Variants in CFAP251 observed in about 807,000 individuals in gnomAD.
CFAP251 encodes the protein cilia- and flagella-associated protein 251.
Under a neutral mutation model 126.7 loss-of-function variants are expected in CFAP251, and 93 were observed. The ratio of observed to expected loss-of-function variants is 0.73; its 90% CI spans 0.62 to 0.87. The LOEUF is 0.87. Ranked by LOEUF, CFAP251 falls within the 40% of genes least tolerant of loss-of-function variation. CFAP251 has a pLI of 0.00. For missense variants in CFAP251, 1,287 were observed against 1,389.2 expected, an observed-to-expected ratio of 0.93 and a Z score of 1.17; for synonymous variants, 503 against 506.9, an observed-to-expected ratio of 0.99 and a Z score of 0.10.
intron 19 of CFAP251, among the ~76,000 whole-genome samples, chr12:121,980,356 A>C (rs1565920960): frequency 6.6e-6 from 1 of 151,504 alleles, no homozygotes; most frequent in Non-Finnish European, 1.5e-5. Context: ...CGTGGCTTCC[A>C]CGGAATTCTG....
At chr12:121,967,298 TG>T (rs1336083080) in intron 16 of CFAP251, among the ~76,000 whole-genome samples, 1 of 152,270 alleles carries the variant, frequency 6.6e-6, no homozygotes, top group East Asian at 1.9e-4. Flanking sequence ...TGAAGATACA[TG>T]GGCCACCAAA....
chr12:121,938,851 A>G (rs6486784), intron 5 of CFAP251, among the ~76,000 whole-genome samples: 31,600 of 151,170 alleles, frequency 0.21, 7,067 homozygotes, highest in African/African-American at 0.56. Context: ...TTAGTCGGGC[A>G]TAATGGTGCA....
At chr12:121,994,571 AAAG>A (rs1203905313) in intron 19 of CFAP251, among the ~76,000 whole-genome samples, 5 of 37,294 alleles carry the variant, frequency 1.3e-4, no homozygotes, top group African/African-American at 5.7e-4. Flanking sequence ...GTCTGTGTAG[AAAG>A]AAGTAGACAT....
rs535084882 is a variant in CFAP251, at chr12:122,003,864, C to T, written c.*100C>T. 1 of 819,084 alleles carries T rather than the reference C, an allele frequency of 1.2e-6. No homozygotes were observed. Among genetic ancestry groups the T allele is most frequent in the Non-Finnish European group, 1.8e-6 (1 of 546,522 alleles). The allele number at this position is 819,084 out of a possible 1,614,324, so 50.7% of individuals were successfully genotyped here. ...ACTGCTTTTTATGCATTTCCCTCCC[C>T]CCTCTCATCTTTAGAACATTTAGAC... On this transcript the variant is annotated 3_prime_UTR_variant, in exon 22 of 22. Coordinates refer to ENST00000288912, the MANE Select transcript of CFAP251 (RefSeq NM_144668.6).
chr12:121,977,903 G>A (rs1294852948), intron 19 of CFAP251, among the ~76,000 whole-genome samples: 1 of 151,108 alleles, frequency 6.6e-6, no homozygotes, highest in East Asian at 1.9e-4. Flanking sequence ...AGCTTGTAGT[G>A]AGCCGAGATT....
At position 121,957,182 on chromosome 12, in the gene CFAP251, C is replaced by T. The variant is rs1229774592; in HGVS notation, c.1644C>T (p.Ser548=). Residue 548 remains serine (S), a synonymous_variant, in exon 11 of 22, where the codon TCC becomes TCT. Transcript: ENST00000288912. ...HLKLGAIRTL[S]FSKTPATPPT... ...AACTGGGCGCCATAAGAACTCTGTC[C>T]TTTTCAAAGACCCCAGCAACTCCTC... The T allele has an allele frequency of 6.2e-7, 1 of 1,614,072 alleles. No individual in the cohort carries two copies. The highest frequency in any genetic ancestry group is 8.5e-7 in the Non-Finnish European group (1 of 1,179,996).
At chr12:121,993,791 G>C (rs1360748694) in intron 19 of CFAP251, among the ~76,000 whole-genome samples, 1 of 145,372 alleles carries the variant, frequency 6.9e-6, no homozygotes, top group African/African-American at 2.5e-5. Flanking sequence ...GTCCGGGAGG[G>C]AGGTGGGGGG....
intron 21 of CFAP251, chr12:122,001,852 C>A (rs1883159709): frequency 2.0e-6 from 1 of 500,408 alleles, no homozygotes; most frequent in Non-Finnish European, 3.6e-6. Flanking sequence ...TGTCATCTTG[C>A]CGGCTTGGGT....
chr12:121,961,844 C>G, intron 14 of CFAP251, 134 bp from the exon 15 acceptor site: 1 of 867,310 alleles, frequency 1.2e-6, no homozygotes, highest in Non-Finnish European at 1.8e-6. Context: ...TCTTAGGAGA[C>G]CTGATACCGT....
intron 17 of CFAP251, 146 bp downstream of exon 17, chr12:121,968,315 C>A: frequency 1.4e-6 from 1 of 700,204 alleles, no homozygotes; most frequent in East Asian, 2.8e-5. Flanking sequence ...GGTGGCATTG[C>A]TCACATTACT....
At chr12:121,985,497 A>C (rs1389442229) in intron 19 of CFAP251, among the ~76,000 whole-genome samples, 2 of 147,454 alleles carry the variant, frequency 1.4e-5, no homozygotes, top group East Asian at 4.0e-4. Flanking sequence ...TGGTGCCACC[A>C]TACTCTCCAG....
chr12:121,960,489 A>G, intron 13 of CFAP251, 96 bp from the exon 14 acceptor site: 1 of 1,392,980 alleles, frequency 7.2e-7, no homozygotes. Context: ...AAGTGCTGGG[A>G]TTACAGGCGT....
At chr12:121,952,977 G>A (rs1184884506) in intron 9 of CFAP251, 3 of 152,032 alleles carry the variant, frequency 2.0e-5, no homozygotes, top group African/African-American at 7.3e-5. Flanking sequence ...TGAGCCTCTG[G>A]TCACATTTTC....
chr12:121,987,739 C>T (rs562620107), intron 19 of CFAP251, among the ~76,000 whole-genome samples: 1 of 148,574 alleles, frequency 6.7e-6, no homozygotes, highest in Admixed American at 6.7e-5. Context: ...AAAAAGAATA[C>T]AGGTAATAGT....
At chr12:121,971,758 T>C (rs658957) in intron 17 of CFAP251, 443,037 of 613,664 alleles carry the variant, frequency 0.72, 167,747 homozygotes, top group Non-Finnish European at 0.82. Flanking sequence ...ATCTTTGTGA[T>C]ATGGTTTGGC....
chr12:121,950,146 A>C (rs1448337663), intron 8 of CFAP251: 1 of 152,246 alleles, frequency 6.6e-6, no homozygotes, highest in Non-Finnish European at 1.5e-5. Flanking sequence ...ATGTTATTGT[A>C]TGAAGTGCTG....
At chr12:121,943,042 G>A in intron 7 of CFAP251, 67 bp downstream of exon 7, 1 of 1,547,714 alleles carries the variant, frequency 6.5e-7, no homozygotes, top group Non-Finnish European at 8.9e-7. Flanking sequence ...GGCTGGGCGT[G>A]GTGGCTCACA....
At position 121,975,315 on chromosome 12, in the gene CFAP251, G is replaced by A. The variant is rs781244030; in HGVS notation, c.2843G>A (p.Arg948Gln). 51 of 1,613,986 alleles carry A rather than the reference G, an allele frequency of 3.2e-5. No homozygotes were observed. The highest frequency in any genetic ancestry group is 8.0e-5 in the African/African-American group (6 of 74,926). Residue 948 changes from arginine to glutamine, a missense_variant, in exon 18 of 22, where the codon CGG becomes CAG. Physicochemically the swap from Arg to Gln is conservative, Grantham distance 43. Transcript: ENST00000288912. ...TTCTATGGTCTGCTGTCTGGTGGCC[G>A]GGAAGGAAAATTCTACAGGGTAATT... ...TPFYGLLSGG[R>Q]EGKFYRELED...
chr12:121,999,725 A>G lies in CFAP251; in HGVS notation c.3016A>G (p.Ile1006Val), dbSNP rs1233807685. 2 of 1,605,876 alleles carry G rather than the reference A, an allele frequency of 1.2e-6. No homozygotes were observed. The highest frequency in any genetic ancestry group is 1.7e-6 in the Non-Finnish European group (2 of 1,173,182). The change falls in exon 20 of 22, where the codon ATA (isoleucine) becomes GTA (valine). Residue 1006 changes from isoleucine to valine, a missense_variant. Transcript: ENST00000288912. The stretch of plus-strand genomic sequence containing the variant: ...CCCATCTTTCCCCTAGATTGATGAT[A>G]TATTTAACGAAATCAAATTTGGTGA... ...FYPSEEKIDD[I>V]FNEIKFGEYV...
Sources: allele counts gnomAD v4.1 joint callset (sites outside exome capture counted in the v4.1 genomes callset), GRCh38; gene constraint gnomAD v4.1.1; transcripts MANE v1.5; gene names NCBI Gene and HGNC (gene_info 2026-07-23, HGNC 2026-07-21).